The following CIB1 variants were observed in gnomAD, a reference collection of about 807,000 sequenced individuals.
CIB1 encodes calcium and integrin-binding protein 1.
A neutral mutation model predicts 25.0 loss-of-function variants in CIB1; 19 were observed. The ratio of observed to expected loss-of-function variants is 0.76; its 90% CI spans 0.53 to 1.12. The LOEUF is 1.12. CIB1 is among the 50% of genes most tolerant of loss of function. CIB1 has a pLI of 0.00. For missense variants in CIB1, 236 were observed against 242.6 expected, an observed-to-expected ratio of 0.97 and a Z score of 0.18; for synonymous variants, 104 against 98.5, an observed-to-expected ratio of 1.06 and a Z score of -0.33.
chr15:90,239,305 A>ATGTGTGTGTGTGTGTGTGTG, the CIB1 span, among the ~76,000 whole-genome samples: 29 of 147,872 alleles, frequency 2.0e-4, no homozygotes, highest in African/African-American at 6.7e-4. Flanking sequence ...GAGACATAAA[A>ATGTGTGTGTGTGTGTGTGTG]TGTGTGTGTG....
At chr15:90,241,170 C>G in the CIB1 span, 11 of 1,614,228 alleles carry the variant, frequency 6.8e-6, no homozygotes, top group Non-Finnish European at 9.3e-6. Flanking sequence ...GACCCAAATC[C>G]TCCCTGGTGC....
the CIB1 span, chr15:90,242,229 AG>A: frequency 2.4e-6 from 1 of 425,098 alleles, no homozygotes; most frequent in African/African-American, 2.2e-5. Flanking sequence ...CTGAGACTAT[AG>A]GCGTGCACCA....
At chr15:90,254,934 C>T in the CIB1 span, among the ~76,000 whole-genome samples, 1 of 152,212 alleles carries the variant, frequency 6.6e-6, no homozygotes, top group African/African-American at 2.4e-5. Context: ...GTGTTAAGTG[C>T]TTTTATAGTA....
At chr15:90,256,117 T>C in the CIB1 span, 3 of 1,610,916 alleles carry the variant, frequency 1.9e-6, no homozygotes, top group East Asian at 6.7e-5. Context: ...AGAAACCTTT[T>C]GACCAGGCCC....
upstream of CIB1, chr15:90,234,202 T>G (rs1962582181): frequency 3.4e-6 from 1 of 289,984 alleles, no homozygotes. Flanking sequence ...GCGTGCGTGC[T>G]GGCTGCGTAT....
chr15:90,233,470 C>A (rs1484859321), intron 2 of CIB1, among the ~76,000 whole-genome samples, 199 bp downstream of exon 2: 1 of 152,232 alleles, frequency 6.6e-6, no homozygotes, highest in Non-Finnish European at 1.5e-5. Flanking sequence ...GGTGGCTCCG[C>A]GGTGCCACGC....
the CIB1 span, chr15:90,250,586 A>T: frequency 6.3e-7 from 1 of 1,591,998 alleles, no homozygotes; most frequent in East Asian, 2.2e-5. Context: ...CTGAGGTCTG[A>T]TATACACTTC....
chr15:90,262,447 CCCAACA>C, the CIB1 span: 2 of 1,441,300 alleles, frequency 1.4e-6, no homozygotes, highest in Non-Finnish European at 1.8e-6. Flanking sequence ...CCCTCTTCTC[CCCAACA>C]CCATTTCTCT....
chr15:90,256,631 TTCCTTCC>T, the CIB1 span, among the ~76,000 whole-genome samples: 1 of 108,108 alleles, frequency 9.3e-6, no homozygotes, highest in East Asian at 2.0e-4. Context: ...CCTTCCTTCC[TTCCTTCC>T]TTCTTTCTTT....
the CIB1 span, among the ~76,000 whole-genome samples, chr15:90,259,495 G>A: frequency 1.3e-5 from 2 of 152,014 alleles, no homozygotes; most frequent in Non-Finnish European, 2.9e-5. Context: ...TTCCTCTCTG[G>A]AGCCAATCAA....
chr15:90,253,711 T>C, the CIB1 span, among the ~76,000 whole-genome samples: 4 of 152,216 alleles, frequency 2.6e-5, no homozygotes, highest in Admixed American at 6.5e-5. Flanking sequence ...GCCAGTTGAA[T>C]GATCCAGCCT....
At chr15:90,241,087 A>G in the CIB1 span, 1 of 1,614,152 alleles carries the variant, frequency 6.2e-7, no homozygotes, top group East Asian at 2.2e-5. Flanking sequence ...TCTCCCTTTG[A>G]TGCTGCACTC....
At chr15:90,232,620 G>T (rs1336179157) in intron 2 of CIB1, among the ~76,000 whole-genome samples, 1 of 152,156 alleles carries the variant, frequency 6.6e-6, no homozygotes, top group South Asian at 2.1e-4. Flanking sequence ...TGGCCCTAAA[G>T]AATTGGCCAG....
At chr15:90,239,861 G>A in the CIB1 span, among the ~76,000 whole-genome samples, 1 of 152,192 alleles carries the variant, frequency 6.6e-6, no homozygotes, top group Non-Finnish European at 1.5e-5. Flanking sequence ...GGAGGTCAAG[G>A]CTTCAGGGAG....
At chr15:90,251,027 AC>A in the CIB1 span, 2 of 1,151,302 alleles carry the variant, frequency 1.7e-6, no homozygotes, top group Non-Finnish European at 2.4e-6. Context: ...AGTGTCATTA[AC>A]CCTTTGATAC....
chr15:90,246,195 C>G, the CIB1 span, among the ~76,000 whole-genome samples: 1 of 152,168 alleles, frequency 6.6e-6, no homozygotes, highest in South Asian at 2.1e-4. Flanking sequence ...ATCGCTTCAA[C>G]CCAGGAGGCA....
At chr15:90,256,046 G>A in the CIB1 span, 2 of 1,555,714 alleles carry the variant, frequency 1.3e-6, no homozygotes, top group Non-Finnish European at 1.7e-6. Flanking sequence ...AGTGCTCCAG[G>A]AAGAGCATGG....
chr15:90,248,148 C>G, the CIB1 span, among the ~76,000 whole-genome samples: 1 of 152,042 alleles, frequency 6.6e-6, no homozygotes, highest in African/African-American at 2.4e-5. Flanking sequence ...TCAAGAGATC[C>G]TCACACCTCA....
At chr15:90,251,010 A>G in the CIB1 span, 1 of 1,299,230 alleles carries the variant, frequency 7.7e-7, no homozygotes, top group South Asian at 1.5e-5. Context: ...AGGACAGGAA[A>G]TGCTGGAGTG....
Sources: gnomAD v4.1 joint callset for allele counts (sites outside exome capture counted in the v4.1 genomes callset) on GRCh38, gnomAD v4.1.1 for gene constraint, MANE v1.5 for transcripts, NCBI Gene and HGNC (gene_info 2026-07-23, HGNC 2026-07-21) for gene names.